Variants in STAG1 observed in about 807,000 individuals in gnomAD.
STAG1 encodes the protein cohesin subunit SA-1.
STAG1 carries 26 observed loss-of-function variants against 170.9 expected under a neutral mutation model. The observed-to-expected ratio is 0.15, with a 90% confidence interval of 0.11 to 0.21. The LOEUF is 0.21. Among genes scored for constraint, STAG1 ranks in the 10% least tolerant of loss-of-function variants. The pLI is 1.00. For missense variants in STAG1, 964 were observed against 1,509.5 expected (o/e 0.64, Z 5.99); for synonymous variants, 514 against 497.7 (o/e 1.03, Z -0.44).
intron 4 of STAG1, among the ~76,000 whole-genome samples, chr3:136,578,599 CATTA>C (rs1937527996): frequency 6.6e-6 from 1 of 152,306 alleles, no homozygotes; most frequent in East Asian, 1.9e-4. Context: ...GACCTGTAGC[CATTA>C]ATTAGAGATA....
At chr3:136,657,846 T>C (rs896015829) in intron 1 of STAG1, among the ~76,000 whole-genome samples, 1 of 151,966 alleles carries the variant, frequency 6.6e-6, no homozygotes, top group Non-Finnish European at 1.5e-5. Flanking sequence ...CAAAAAAGGC[T>C]GAAAAGGAAT....
At chr3:136,748,252 T>G (rs1043899229) in intron 1 of STAG1, among the ~76,000 whole-genome samples, 9 of 151,726 alleles carry the variant, frequency 5.9e-5, no homozygotes, top group Non-Finnish European at 1.2e-4. Flanking sequence ...ATATAAAAAA[T>G]TAGCTAGGTG....
intron 1 of STAG1, among the ~76,000 whole-genome samples, chr3:136,664,342 G>A (rs1941682739): frequency 6.6e-6 from 1 of 152,154 alleles, no homozygotes; most frequent in Non-Finnish European, 1.5e-5. Flanking sequence ...GGAAGCTACT[G>A]CTCTAAACAA....
intron 5 of STAG1, among the ~76,000 whole-genome samples, chr3:136,553,185 A>C (rs1232878528): frequency 1.3e-5 from 2 of 152,168 alleles, no homozygotes; most frequent in African/African-American, 4.8e-5. Context: ...TAACTGAAAT[A>C]AGGCTTAAGG....
chr3:136,392,815 T>C (rs970740836), intron 22 of STAG1, among the ~76,000 whole-genome samples: 1 of 149,916 alleles, frequency 6.7e-6, no homozygotes, highest in African/African-American at 2.5e-5. Flanking sequence ...ATATTAACAG[T>C]GGTTATCTAC....
At chr3:136,751,626 C>A (rs981088610) in intron 1 of STAG1, among the ~76,000 whole-genome samples, 1 of 152,122 alleles carries the variant, frequency 6.6e-6, no homozygotes, top group Non-Finnish European at 1.5e-5. Flanking sequence ...CAACAAGAAG[C>A]CTGGGCCAGC....
intron 1 of STAG1, among the ~76,000 whole-genome samples, chr3:136,685,040 C>T (rs879755423): frequency 5.9e-5 from 9 of 151,852 alleles, no homozygotes; most frequent in Non-Finnish European, 1.2e-4. Flanking sequence ...CTTGGCTGGG[C>T]CCGGTGGCTC....
rs866245577 is a variant in STAG1, at chr3:136,484,942, C to T, written c.903-7530G>A. Among the ~76,000 whole-genome samples the T allele has an allele frequency of 7.2e-5, 11 of 152,184 alleles. No individual in the cohort carries two copies. The East Asian group carries it at 7.8e-4, about 11-fold the overall frequency. ...GCCTCGCCCTGCTTCGGCTCGCGCA[C>T]GGTGCGCGCACACACTGGCCTGTGC... On this transcript the variant is annotated intron_variant, in intron 9 of 33. Transcript: ENST00000383202.
chr3:136,579,002 T>C (rs1341148895), intron 4 of STAG1, among the ~76,000 whole-genome samples: 5 of 152,180 alleles, frequency 3.3e-5, no homozygotes, highest in Admixed American at 2.6e-4. Flanking sequence ...CCCTGGGAAA[T>C]TGCAGAGTTT....
At chr3:136,670,335 A>G (rs1342770403) in intron 1 of STAG1, among the ~76,000 whole-genome samples, 1 of 152,268 alleles carries the variant, frequency 6.6e-6, no homozygotes, top group Non-Finnish European at 1.5e-5. Flanking sequence ...AAGTGATTTT[A>G]AAACTACACT....
At chr3:136,525,214 C>G (rs1934940517) in intron 6 of STAG1, among the ~76,000 whole-genome samples, 1 of 152,150 alleles carries the variant, frequency 6.6e-6, no homozygotes, top group Admixed American at 6.5e-5. Flanking sequence ...GGCTGTGAAT[C>G]CATCTCGTCC....
chr3:136,583,927 T>C (rs1378448373), intron 4 of STAG1, among the ~76,000 whole-genome samples: 1 of 152,246 alleles, frequency 6.6e-6, no homozygotes, highest in African/African-American at 2.4e-5. Context: ...GACAACTTTC[T>C]ATCTTTGTCT....
At chr3:136,724,334 T>C (rs78052942) in intron 1 of STAG1, among the ~76,000 whole-genome samples, 1 of 151,890 alleles carries the variant, frequency 6.6e-6, no homozygotes, top group Non-Finnish European at 1.5e-5. Context: ...AAACATGTGC[T>C]GTGTCCACTC....
intron 22 of STAG1, among the ~76,000 whole-genome samples, chr3:136,386,769 T>C (rs2086884320): frequency 6.6e-6 from 1 of 152,122 alleles, no homozygotes; most frequent in Non-Finnish European, 1.5e-5. Flanking sequence ...AAATTTTACA[T>C]GGCTAGCGGA....
intron 22 of STAG1, among the ~76,000 whole-genome samples, chr3:136,394,255 G>A (rs1033487098): frequency 2.6e-5 from 4 of 152,036 alleles, no homozygotes; most frequent in Non-Finnish European, 4.4e-5. Context: ...TCATGCTTTT[G>A]AAGATTATCA....
chr3:136,489,398 C>A (rs2090079012), intron 9 of STAG1, among the ~76,000 whole-genome samples: 1 of 152,122 alleles, frequency 6.6e-6, no homozygotes, highest in Admixed American at 6.5e-5. Flanking sequence ...TCTTGTATTA[C>A]CCTTATGGAT....
chr3:136,529,440 A>C (rs1299488848), intron 6 of STAG1, among the ~76,000 whole-genome samples: 2 of 152,122 alleles, frequency 1.3e-5, no homozygotes, highest in Non-Finnish European at 2.9e-5. Context: ...TAAATTTCTC[A>C]GCAGAAACCT....
chr3:136,634,489 A>T (rs982379301), intron 1 of STAG1, among the ~76,000 whole-genome samples: 14 of 152,174 alleles, frequency 9.2e-5, no homozygotes, highest in African/African-American at 2.2e-4. Context: ...ATTTTTTTTT[A>T]AAAACCAGAG....
chr3:136,542,286 T>C, intron 5 of STAG1, 91 bp from the exon 6 acceptor site: 1 of 921,282 alleles, frequency 1.1e-6, no homozygotes. Context: ...TCTGTGAGAA[T>C]CCCAAAAGAA....
Sources: gnomAD v4.1 joint callset for allele counts (sites outside exome capture counted in the v4.1 genomes callset) on GRCh38, gnomAD v4.1.1 for gene constraint, MANE v1.5 for transcripts, NCBI Gene and HGNC (gene_info 2026-07-23, HGNC 2026-07-21) for gene names.